NCKAP5: variants seen among roughly 807,000 people sequenced by gnomAD.
NCKAP5 encodes nck-associated protein 5.
NCKAP5 carries 92 observed loss-of-function variants against 167.0 expected under a neutral mutation model. That is an observed-to-expected ratio of 0.55 (90% CI 0.47 to 0.66). The LOEUF is 0.66. Ranked by LOEUF, NCKAP5 falls within the 30% of genes least tolerant of loss-of-function variation. The probability of loss-of-function intolerance (pLI) is 0.00; values close to 1 mark genes in which losing one functional copy is unlikely to be tolerated. For missense variants in NCKAP5, 2,378 were observed against 2,315.0 expected, an observed-to-expected ratio of 1.03 and a Z score of -0.56; for synonymous variants, 891 against 877.4, an observed-to-expected ratio of 1.02 and a Z score of -0.27.
intron 5 of NCKAP5, among the ~76,000 whole-genome samples, chr2:133,151,515 G>A (rs2083386414): frequency 6.6e-6 from 1 of 152,162 alleles, no homozygotes; most frequent in Non-Finnish European, 1.5e-5. Flanking sequence ...AAGGTACGCA[G>A]AGGGCAAGTA....
chr2:132,984,773 A>C (rs1387358589), intron 7 of NCKAP5, among the ~76,000 whole-genome samples: 2 of 151,878 alleles, frequency 1.3e-5, no homozygotes, highest in Non-Finnish European at 2.9e-5. Context: ...AAGTTCTAAA[A>C]AAACAAAAGA....
At chr2:133,267,863 A>G (rs1574550621) in intron 4 of NCKAP5, among the ~76,000 whole-genome samples, 2 of 152,312 alleles carry the variant, frequency 1.3e-5, no homozygotes. Flanking sequence ...TAGATTCACA[A>G]GGATTATCTC....
chr2:132,928,958 C>CCAAAA (rs71398578), intron 8 of NCKAP5, among the ~76,000 whole-genome samples: 27,378 of 148,576 alleles, frequency 0.18, 2,705 homozygotes, highest in Non-Finnish European at 0.2. Context: ...CCCTTCTCTA[C>CCAAAA]CAAAACAAAA....
intron 6 of NCKAP5, among the ~76,000 whole-genome samples, chr2:133,004,983 C>T (rs1051299995): frequency 2.6e-5 from 4 of 152,170 alleles, no homozygotes; most frequent in Admixed American, 1.3e-4. Context: ...TGCCCAGCCC[C>T]GCAGGCAGTC....
At chr2:133,299,622 G>A (rs556489363) in intron 4 of NCKAP5, among the ~76,000 whole-genome samples, 9 of 152,178 alleles carry the variant, frequency 5.9e-5, no homozygotes, top group Admixed American at 5.2e-4. Context: ...GTGGCGGAAG[G>A]CACCTGTAAT....
intron 16 of NCKAP5, among the ~76,000 whole-genome samples, chr2:132,737,298 AT>A (rs1300850806): frequency 6.6e-6 from 1 of 152,160 alleles, no homozygotes; most frequent in Non-Finnish European, 1.5e-5. Context: ...CCTTGAATAC[AT>A]TCCCTTGCAT....
the NCKAP5 span, among the ~76,000 whole-genome samples, chr2:133,639,204 C>T: frequency 6.6e-6 from 1 of 151,980 alleles, no homozygotes; most frequent in Non-Finnish European, 1.5e-5. Flanking sequence ...ATGGGAAGTC[C>T]CACGTATTAC....
Position 133,154,717 on chromosome 2 carries a change from G to A in NCKAP5, c.208-24606C>T, listed in dbSNP as rs537507243. Reference sequence around the variant, plus strand: ...TGAATTCTCTGAGGAGCGTCACAATGGTAGATAAGCTATATGTTGGGGATG... The same window carrying A: ...TGAATTCTCTGAGGAGCGTCACAATAGTAGATAAGCTATATGTTGGGGATG... On this transcript the variant is annotated intron_variant, in intron 5 of 19. Coordinates refer to ENST00000409261, the MANE Select transcript of NCKAP5 (RefSeq NM_207363.3). 2.6e-5 allele frequency among the ~76,000 whole-genome samples: 4 copies of A among 152,312 alleles called. No homozygotes were observed. In the East Asian group the frequency reaches 7.7e-4, roughly 29 times the overall value.
intron 19 of NCKAP5, among the ~76,000 whole-genome samples, chr2:132,709,171 G>A (rs1490978835): frequency 6.6e-6 from 1 of 151,380 alleles, no homozygotes; most frequent in East Asian, 1.9e-4. Flanking sequence ...CCAAAAGCAA[G>A]TGAATTTAAA....
At chr2:133,186,985 T>C (rs2084973050) in intron 5 of NCKAP5, among the ~76,000 whole-genome samples, 1 of 152,018 alleles carries the variant, frequency 6.6e-6, no homozygotes, top group Non-Finnish European at 1.5e-5. Context: ...GTTACATCTT[T>C]TCCTCTGCAA....
intron 8 of NCKAP5, among the ~76,000 whole-genome samples, chr2:132,918,309 C>G (rs992105697): frequency 6.6e-6 from 1 of 152,070 alleles, no homozygotes; most frequent in East Asian, 1.9e-4. Context: ...CATTTTATTT[C>G]CCTCTACAGA....
At chr2:133,660,352 T>C in the NCKAP5 span, among the ~76,000 whole-genome samples, 1 of 152,328 alleles carries the variant, frequency 6.6e-6, no homozygotes, top group East Asian at 1.9e-4. Context: ...TATTCAAATT[T>C]TTTATGTAAA....
intron 8 of NCKAP5, among the ~76,000 whole-genome samples, chr2:132,906,109 A>G (rs2148930846): frequency 6.6e-6 from 1 of 152,324 alleles, no homozygotes; most frequent in South Asian, 2.1e-4. Context: ...AGTTTGAAAC[A>G]AAAACTGGTT....
chr2:132,744,228 A>G lies in NCKAP5; in HGVS notation c.5129-12177T>C, dbSNP rs144791842. 2.6e-4 allele frequency among the ~76,000 whole-genome samples: 39 copies of G among 151,898 alleles called. No individual in the cohort carries two copies. In the East Asian group the frequency reaches 7.1e-3, roughly 28 times the overall value. On this transcript the variant is annotated intron_variant, in intron 16 of 19. Transcript: ENST00000409261. ...ACTCTACCCATCAAGGGCAGAATGC[A>G]TATTCTTTTTGGGTACACATGGATT... is the stretch of plus-strand genomic sequence containing the variant.
At chr2:133,090,212 T>TAAA (rs56131091) in intron 6 of NCKAP5, among the ~76,000 whole-genome samples, 2 of 135,646 alleles carry the variant, frequency 1.5e-5, no homozygotes, top group African/African-American at 5.3e-5. Context: ...ACAAGAAAAT[T>TAAA]AAAAAAAAAA....
In NCKAP5 at chr2:132,782,803, G is replaced by C. The variant is rs1214125417; in HGVS notation, c.4008C>G (p.Pro1336=). Residue 1336 remains proline, a synonymous_variant, in exon 14 of 20, where the codon CCC becomes CCG. Coordinates refer to ENST00000409261, the MANE Select transcript of NCKAP5 (RefSeq NM_207363.3). ...APSAPMLESL[P]SVGRPSGHPS... ...GGTGCCCCGAGGGCCTCCCAACACT[G>C]GGGAGACTCTCCAACATGGGAGCAG... is the stretch of plus-strand genomic sequence containing the variant. 2.5e-6 allele frequency: 4 copies of C among 1,613,866 alleles called. No individual in the cohort carries two copies. The highest frequency in any genetic ancestry group is 3.4e-6 in the Non-Finnish European group (4 of 1,179,830).
chr2:133,329,395 A>T (rs1387247285), intron 3 of NCKAP5, among the ~76,000 whole-genome samples: 1 of 152,150 alleles, frequency 6.6e-6, no homozygotes, highest in Admixed American at 6.5e-5. Flanking sequence ...TTGGCCTAGC[A>T]AAAAAAGAGA....
intron 8 of NCKAP5, among the ~76,000 whole-genome samples, chr2:132,895,964 G>A (rs779865340): frequency 5.9e-5 from 9 of 151,976 alleles, no homozygotes; most frequent in East Asian, 1.9e-4. Context: ...GCAAAACTCC[G>A]TCTCTACTAA....
intron 6 of NCKAP5, among the ~76,000 whole-genome samples, chr2:133,005,008 T>C (rs1438598629): frequency 6.6e-6 from 1 of 152,240 alleles, no homozygotes; most frequent in Non-Finnish European, 1.5e-5. Context: ...CTTATGGTTA[T>C]CTCCCTTGTT....
Sources: allele counts gnomAD v4.1 joint callset (sites outside exome capture counted in the v4.1 genomes callset), GRCh38; gene constraint gnomAD v4.1.1; transcripts MANE v1.5; gene names NCBI Gene and HGNC (gene_info 2026-07-23, HGNC 2026-07-21).